CTNNBL1: variants seen among roughly 807,000 people sequenced by gnomAD.
The protein encoded by CTNNBL1 is catenin beta like 1, also known as beta-catenin-like protein 1.
A neutral mutation model predicts 72.7 loss-of-function variants in CTNNBL1; 31 were observed. The ratio of observed to expected loss-of-function variants is 0.43; its 90% confidence interval spans 0.32 to 0.58. The LOEUF is 0.58. Among genes scored for constraint, CTNNBL1 ranks in the 20% least tolerant of loss-of-function variants. CTNNBL1 has a pLI of 0.08. For synonymous variants in CTNNBL1, 240 were observed against 267.3 expected, an observed-to-expected ratio of 0.90 and a Z score of 1.00; for missense variants, 534 against 725.1, an observed-to-expected ratio of 0.74 and a Z score of 3.03.
At chr20:37,870,385 A>G (rs1369302086) in intron 15 of CTNNBL1, among the ~76,000 whole-genome samples, 1 of 152,026 alleles carries the variant, frequency 6.6e-6, no homozygotes, top group Non-Finnish European at 1.5e-5. Flanking sequence ...ACCCCCCGAC[A>G]GCCCCTCCCT....
intron 11 of CTNNBL1, among the ~76,000 whole-genome samples, chr20:37,822,269 C>A (rs1184531827): frequency 6.6e-6 from 1 of 151,810 alleles, no homozygotes; most frequent in East Asian, 1.9e-4. Context: ...GATGACATGG[C>A]CAGGCTGAGG....
chr20:37,774,125 G>A (rs1307443101), intron 7 of CTNNBL1, among the ~76,000 whole-genome samples: 1 of 151,834 alleles, frequency 6.6e-6, no homozygotes, highest in African/African-American at 2.4e-5. Flanking sequence ...TGTTGCCCAG[G>A]CTGGTCTTGA....
chr20:37,724,323 T>C (rs2073064989), intron 1 of CTNNBL1, among the ~76,000 whole-genome samples: 1 of 152,168 alleles, frequency 6.6e-6, no homozygotes, highest in South Asian at 2.1e-4. Context: ...CGAAAAGGCA[T>C]TGGGAAGGAA....
In CTNNBL1 at chr20:37,813,228, T is replaced by C. The variant is rs573059481; in HGVS notation, c.1213+10180T>C. ...TGGTACCAGTCCTTGCTGAGGAGAG[T>C]ATGGAGATTAGATAGTTAAGCAGAA... On this transcript the variant is annotated intron_variant, in intron 11 of 15. Transcript: ENST00000361383. 2.0e-5 allele frequency among the ~76,000 whole-genome samples: 3 copies of C among 151,898 alleles called. No homozygotes were observed. In the East Asian group the frequency reaches 5.8e-4, roughly 29 times the overall value.
At chr20:37,777,922 C>T (rs2073590532) in intron 9 of CTNNBL1, among the ~76,000 whole-genome samples, 1 of 152,152 alleles carries the variant, frequency 6.6e-6, no homozygotes, top group Non-Finnish European at 1.5e-5. Context: ...TGTATCAGTT[C>T]TGAACTTTCT....
At chr20:37,746,693 T>A in intron 4 of CTNNBL1, 86 bp downstream of exon 4, 2 of 1,476,502 alleles carry the variant, frequency 1.4e-6, no homozygotes, top group Non-Finnish European at 1.9e-6. Flanking sequence ...TTTGTAGATG[T>A]GTGCTATAAA....
intron 1 of CTNNBL1, among the ~76,000 whole-genome samples, chr20:37,710,650 C>T (rs2072929237): frequency 6.6e-6 from 1 of 152,080 alleles, no homozygotes; most frequent in South Asian, 2.1e-4. Flanking sequence ...GTGAAACTAC[C>T]ACTCACAAAT....
intron 13 of CTNNBL1, among the ~76,000 whole-genome samples, chr20:37,852,814 C>G (rs557812206): frequency 4.6e-5 from 7 of 152,062 alleles, no homozygotes; most frequent in African/African-American, 1.7e-4. Context: ...TGGGATGAAC[C>G]CTGTTTGCCT....
intron 1 of CTNNBL1, among the ~76,000 whole-genome samples, chr20:37,719,937 C>A (rs1387930111): frequency 2.0e-5 from 3 of 149,978 alleles, no homozygotes; most frequent in African/African-American, 7.4e-5. Context: ...ATCTCCTGGG[C>A]TCTAGCAGTC....
chr20:37,813,187 T>A (rs1260171789), intron 11 of CTNNBL1, among the ~76,000 whole-genome samples: 3 of 152,160 alleles, frequency 2.0e-5, no homozygotes, highest in African/African-American at 7.2e-5. Context: ...CACAGGAGTG[T>A]CCTCTGAGAC....
chr20:37,840,517 G>A (rs2072294749), intron 12 of CTNNBL1, among the ~76,000 whole-genome samples: 1 of 152,194 alleles, frequency 6.6e-6, no homozygotes, highest in African/African-American at 2.4e-5. Flanking sequence ...TAAGAGCATT[G>A]GCTTTGGATA....
intron 1 of CTNNBL1, among the ~76,000 whole-genome samples, chr20:37,719,400 A>G (rs1015141754): frequency 2.0e-5 from 3 of 152,274 alleles, no homozygotes; most frequent in African/African-American, 4.8e-5. Flanking sequence ...TTTGTTCTCT[A>G]TGCCCACTCA....
intron 1 of CTNNBL1, among the ~76,000 whole-genome samples, chr20:37,707,836 C>T (rs889118643): frequency 6.6e-6 from 1 of 152,164 alleles, no homozygotes; most frequent in Non-Finnish European, 1.5e-5. Context: ...AGATGTGAGA[C>T]TCTTTCTTTC....
At chr20:37,766,278 ACTGT>A (rs1238888738) in intron 6 of CTNNBL1, among the ~76,000 whole-genome samples, 1 of 152,160 alleles carries the variant, frequency 6.6e-6, no homozygotes, top group Admixed American at 6.5e-5. Context: ...CTGACTGCTA[ACTGT>A]CTGTTAATAA....
intron 11 of CTNNBL1, among the ~76,000 whole-genome samples, chr20:37,806,479 C>T (rs939923402): frequency 4.6e-5 from 7 of 152,224 alleles, no homozygotes; most frequent in Admixed American, 2.0e-4. Flanking sequence ...CTTCAAAAAA[C>T]GAAAGGGCAG....
In CTNNBL1 at chr20:37,860,726, G is replaced by A. The variant is rs137927313; in HGVS notation, c.1603+382G>A. The stretch of plus-strand genomic sequence containing the variant: ...ATACAAACGTCCTTTCTTATCCACA[G>A]TTTTGCTTTCAGTTACACACAGTCA... On this transcript the variant is annotated intron_variant, in intron 15 of 15. Transcript: ENST00000361383. 7.6e-3 allele frequency among the ~76,000 whole-genome samples: 1,164 copies of A among 152,332 alleles called. 15 individuals are homozygous for A. The highest frequency in any genetic ancestry group is 0.026 in the African/African-American group (1,081 of 41,580).
At chr20:37,748,474 G>A (rs2122628544) in intron 4 of CTNNBL1, among the ~76,000 whole-genome samples, 1 of 152,294 alleles carries the variant, frequency 6.6e-6, no homozygotes, top group South Asian at 2.1e-4. Context: ...GAGCTGCTGT[G>A]AGTGCTCATG....
In CTNNBL1 at chr20:37,872,107, C is replaced by A; in HGVS notation, c.*94C>A. On this transcript the variant is annotated 3_prime_UTR_variant, in exon 16 of 16. Transcript: ENST00000361383. ...TGTGTGGCTTTTGGACAAATTAAAGCTAGTTTTGGTATCCCCGGGCCAGTT... is the reference window on the plus strand; with the variant it reads ...TGTGTGGCTTTTGGACAAATTAAAGATAGTTTTGGTATCCCCGGGCCAGTT... 1 of 1,192,696 alleles carries A rather than the reference C, an allele frequency of 8.4e-7. No individual in the cohort carries two copies. Among genetic ancestry groups the A allele is most frequent in the Non-Finnish European group, 1.2e-6 (1 of 809,802 alleles). The allele number at this position is 1,192,696 out of a possible 1,614,324, so 73.9% of individuals were successfully genotyped here.
intron 13 of CTNNBL1, among the ~76,000 whole-genome samples, chr20:37,843,396 G>T (rs941098041): frequency 1.3e-5 from 2 of 152,206 alleles, no homozygotes; most frequent in Non-Finnish European, 2.9e-5. Context: ...TCCAGCTAAG[G>T]CTACCGTGTT....
Sources: gnomAD v4.1 joint callset for allele counts (sites outside exome capture counted in the v4.1 genomes callset) on GRCh38, gnomAD v4.1.1 for gene constraint, MANE v1.5 for transcripts, NCBI Gene and HGNC (gene_info 2026-07-23, HGNC 2026-07-21) for gene names.